Variants in SLC39A11 observed in about 807,000 individuals in gnomAD.
SLC39A11 encodes the protein zinc transporter ZIP11.
SLC39A11 carries 33 observed loss-of-function variants against 36.1 expected under a neutral mutation model. The ratio of observed to expected loss-of-function variants is 0.91; its 90% CI spans 0.69 to 1.22. The LOEUF is 1.22. Among genes scored for constraint, SLC39A11 ranks in the 50% most tolerant of loss-of-function variants. The pLI is 0.00. For synonymous variants in SLC39A11, 166 were observed against 170.3 expected (o/e 0.97, Z 0.20); for missense variants, 432 against 430.3 (o/e 1.00, Z -0.03).
At chr17:73,073,222 C>T (rs994643909) in intron 3 of SLC39A11, among the ~76,000 whole-genome samples, 1 of 152,188 alleles carries the variant, frequency 6.6e-6, no homozygotes, top group Non-Finnish European at 1.5e-5. Context: ...ATCACATAAA[C>T]TCTAAGGGTC....
intron 3 of SLC39A11, among the ~76,000 whole-genome samples, chr17:73,056,266 T>A (rs1316962084): frequency 6.6e-6 from 1 of 152,074 alleles, no homozygotes; most frequent in Non-Finnish European, 1.5e-5. Context: ...CCTCCCTGGT[T>A]CAAGCAATTC....
At chr17:72,920,132 C>T (rs1044600059) in intron 5 of SLC39A11, among the ~76,000 whole-genome samples, 2 of 152,034 alleles carry the variant, frequency 1.3e-5, no homozygotes, top group Non-Finnish European at 1.5e-5. Flanking sequence ...CCACCAAACA[C>T]GGCCAGAACC....
intron 6 of SLC39A11, among the ~76,000 whole-genome samples, chr17:72,815,604 C>T (rs556079711): frequency 1.4e-4 from 20 of 144,842 alleles, no homozygotes; most frequent in African/African-American, 3.6e-4. Context: ...GCAACAAGAG[C>T]GAAACTCTGT....
At chr17:72,739,682 A>G (rs1236046655) in intron 6 of SLC39A11, among the ~76,000 whole-genome samples, 1 of 152,200 alleles carries the variant, frequency 6.6e-6, no homozygotes, top group African/African-American at 2.4e-5. Flanking sequence ...CAGCCCACAG[A>G]GAAGGCTCCA....
chr17:72,655,233 G>A (rs769612157), intron 7 of SLC39A11, among the ~76,000 whole-genome samples: 2 of 152,178 alleles, frequency 1.3e-5, no homozygotes, highest in South Asian at 2.1e-4. Context: ...CCGTGCACAC[G>A]CACAGGCCCA....
At chr17:72,991,479 T>C (rs967305954) in intron 4 of SLC39A11, among the ~76,000 whole-genome samples, 3 of 152,036 alleles carry the variant, frequency 2.0e-5, no homozygotes, top group African/African-American at 4.8e-5. Flanking sequence ...TGCCTCAGCC[T>C]CTCAAATAGC....
chr17:72,817,294 G>A (rs1223841739), intron 6 of SLC39A11, among the ~76,000 whole-genome samples: 1 of 143,904 alleles, frequency 6.9e-6, no homozygotes, highest in African/African-American at 2.5e-5. Flanking sequence ...CATGAGAGAC[G>A]GAAGGAAGGA....
chr17:72,789,794 C>A (rs1364971980), intron 6 of SLC39A11, among the ~76,000 whole-genome samples: 2 of 152,222 alleles, frequency 1.3e-5, no homozygotes, highest in African/African-American at 4.8e-5. Flanking sequence ...GAGAGTCAGG[C>A]CTTACTGAAG....
At chr17:72,907,905 G>C (rs1323327144) in intron 5 of SLC39A11, among the ~76,000 whole-genome samples, 3 of 152,258 alleles carry the variant, frequency 2.0e-5, no homozygotes, top group Non-Finnish European at 4.4e-5. Flanking sequence ...GGAAGGAGGA[G>C]ACAGGTCGTT....
At chr17:72,993,667 G>A (rs6501588) in intron 4 of SLC39A11, among the ~76,000 whole-genome samples, 152,349 of 152,352 alleles carry the variant, frequency 1, 76,173 homozygotes, top group Non-Finnish European at 1. Context: ...AGACTTGCCA[G>A]TCTTCCCCGT....
chr17:72,861,689 A>ATATATATATAT (rs1410780416), intron 5 of SLC39A11, among the ~76,000 whole-genome samples: 1 of 96,670 alleles, frequency 1.0e-5, no homozygotes, highest in Non-Finnish European at 2.1e-5. Flanking sequence ...ATATATATAT[A>ATATATATATAT]AAATATATAT....
intron 5 of SLC39A11, among the ~76,000 whole-genome samples, chr17:72,934,987 A>G (rs1180426892): frequency 6.6e-6 from 1 of 152,218 alleles, no homozygotes; most frequent in African/African-American, 2.4e-5. Context: ...GTTTCCTATC[A>G]CATGACCCAG....
At chr17:72,885,012 G>A (rs1270988163) in intron 5 of SLC39A11, among the ~76,000 whole-genome samples, 1 of 152,120 alleles carries the variant, frequency 6.6e-6, no homozygotes, top group Non-Finnish European at 1.5e-5. Context: ...TTGACAAAGG[G>A]GCTGGAGCAC....
rs778548556 is a variant in SLC39A11 at position 72,662,635 on chromosome 17, G to GAGAGAAAGAA, written c.672-13377_672-13368dup. 4.1e-4 allele frequency among the ~76,000 whole-genome samples: 47 copies of GAGAGAAAGAA among 115,894 alleles called. 1 individual carries two copies. Among genetic ancestry groups the GAGAGAAAGAA allele is most frequent in the African/African-American group, 1.1e-3 (34 of 31,144 alleles). 76.0% of individuals were successfully genotyped at this position (115,894 alleles called of 152,430 possible). ...GGAAGGAGAGAAGAAAGAGAAGAAA[G>GAGAGAAAGAA]AGAGAAAGAAAAAGAAAAAAGAAAA... On this transcript the variant is annotated intron_variant, in intron 7 of 9. Coordinates refer to ENST00000255559, the MANE Select transcript of SLC39A11 (RefSeq NM_139177.4).
In SLC39A11 at chr17:72,747,497, G is replaced by A. The variant is rs1317651449; in HGVS notation, c.602-10778C>T. On this transcript the variant is annotated intron_variant, in intron 6 of 9. Transcript: ENST00000255559. ...TTCCTTGTCTGTCCCAGCCTGTCTG[G>A]GAAGTGTCACTAAACTGGGAGAGGA... Among the ~76,000 whole-genome samples, 4 of 152,186 alleles carry A rather than the reference G, an allele frequency of 2.6e-5. No individual in the cohort carries two copies. In the Middle Eastern group the frequency reaches 9.5e-3, roughly 361 times the overall value.
At chr17:73,030,210 T>C (rs2058695305) in intron 4 of SLC39A11, among the ~76,000 whole-genome samples, 1 of 152,200 alleles carries the variant, frequency 6.6e-6, no homozygotes, top group South Asian at 2.1e-4. Flanking sequence ...CCTCCTGCTA[T>C]GTGGCCCAGC....
intron 3 of SLC39A11, among the ~76,000 whole-genome samples, chr17:73,036,722 C>T (rs752824396): frequency 5.3e-5 from 8 of 152,136 alleles, no homozygotes; most frequent in Non-Finnish European, 1.2e-4. Context: ...GCTAGGATTA[C>T]AGGCATGAGC....
intron 4 of SLC39A11, among the ~76,000 whole-genome samples, chr17:72,960,461 GAGAT>G (rs2086536550): frequency 6.6e-6 from 1 of 151,990 alleles, no homozygotes; most frequent in South Asian, 2.1e-4. Flanking sequence ...ATACCAGCTG[GAGAT>G]TACAAAAACC....
chr17:73,085,566 C>T (rs1186064313), intron 2 of SLC39A11, among the ~76,000 whole-genome samples: 1 of 144,384 alleles, frequency 6.9e-6, no homozygotes, highest in Non-Finnish European at 1.5e-5. Context: ...CCCTTGAACT[C>T]GGGAGGCAGA....
Sources: allele counts gnomAD v4.1 joint callset (sites outside exome capture counted in the v4.1 genomes callset), GRCh38; gene constraint gnomAD v4.1.1; transcripts MANE v1.5; gene names NCBI Gene and HGNC (gene_info 2026-07-23, HGNC 2026-07-21).